Variants in IPO5 observed in about 807,000 individuals in gnomAD.
The protein encoded by IPO5 is importin 5.
IPO5 carries 18 observed loss-of-function variants against 143.3 expected under a neutral mutation model. The ratio of observed to expected loss-of-function variants is 0.13; its 90% CI spans 0.09 to 0.19. The LOEUF is 0.19. IPO5 is among the 10% of genes least tolerant of loss of function. The probability of loss-of-function intolerance (pLI) is 1.00; values close to 1 mark genes in which losing one functional copy is unlikely to be tolerated. For missense variants in IPO5, 1,013 were observed against 1,336.9 expected, an observed-to-expected ratio of 0.76 and a Z score of 3.78; for synonymous variants, 477 against 465.7, an observed-to-expected ratio of 1.02 and a Z score of -0.31.
At position 98,015,908 on chromosome 13, in the gene IPO5, G is replaced by C. The variant is rs1414188859; in HGVS notation, c.2493+127G>C. 3 of 613,328 alleles carry C rather than the reference G, an allele frequency of 4.9e-6. No individual in the cohort carries two copies. In the African/African-American group the frequency reaches 5.6e-5, roughly 11 times the overall value. The allele number at this position is 613,328 out of a possible 1,614,324, so 38.0% of individuals were successfully genotyped here. A position where few individuals can be genotyped will look rare whatever the true frequency, so the allele number is the denominator to read the frequency against. ...TTATCAGTCTTTAGCAGAGGAGTCA[G>C]ATATATTTCCTCTCTTAATTTATGA... On this transcript the variant is annotated intron_variant, in intron 24 of 28. Coordinates refer to ENST00000651721, the MANE Select transcript of IPO5 (RefSeq NM_002271.6).
At chr13:97,979,911 A>C in intron 4 of IPO5, 1 of 456,728 alleles carries the variant, frequency 2.2e-6, no homozygotes, top group Non-Finnish European at 4.4e-6. Flanking sequence ...GATAAAAGTC[A>C]TGTGTCCCCT....
chr13:97,983,187 T>C (rs905067974), intron 5 of IPO5, among the ~76,000 whole-genome samples: 2 of 152,228 alleles, frequency 1.3e-5, no homozygotes, highest in Non-Finnish European at 2.9e-5. Flanking sequence ...AAGTGCTTTT[T>C]GCAGCTAAAA....
intron 11 of IPO5, among the ~76,000 whole-genome samples, chr13:97,997,287 T>C (rs940490620): frequency 7.2e-5 from 11 of 152,202 alleles, no homozygotes; most frequent in Non-Finnish European, 2.9e-5. Context: ...ATGGGGAGAA[T>C]GTAATCGGAT....
intron 3 of IPO5, 112 bp from the exon 4 acceptor site, chr13:97,976,581 C>G (rs1377324303): frequency 1.6e-4 from 35 of 218,870 alleles, no homozygotes; most frequent in Non-Finnish European, 2.4e-4. Flanking sequence ...CCGCAAGCCC[C>G]GCGCCGCCGC....
intron 2 of IPO5, among the ~76,000 whole-genome samples, chr13:97,965,689 T>C (rs1885268583): frequency 6.6e-6 from 1 of 152,120 alleles, no homozygotes. Flanking sequence ...GGAATTACAA[T>C]TGATTTTTAT....
intron 4 of IPO5, chr13:97,980,001 C>T (rs1594053031): frequency 4.4e-6 from 2 of 454,974 alleles, no homozygotes; most frequent in Admixed American, 4.7e-5. Context: ...ATTTCTTCTT[C>T]GTGGGCAGGG....
At chr13:97,995,345 C>G (rs1648076354) in intron 11 of IPO5, among the ~76,000 whole-genome samples, 1 of 151,926 alleles carries the variant, frequency 6.6e-6, no homozygotes, top group African/African-American at 2.4e-5. Flanking sequence ...CCTGAGTCCC[C>G]AAAGTCCGTT....
intron 4 of IPO5, chr13:97,979,782 T>A: frequency 2.4e-6 from 1 of 419,292 alleles, no homozygotes; most frequent in East Asian, 7.0e-5. Flanking sequence ...TCCTCCCATC[T>A]CCCAAAGTGT....
chr13:97,975,916 G>C (rs184942078), intron 3 of IPO5: 16 of 985,546 alleles, frequency 1.6e-5, no homozygotes, highest in Middle Eastern at 5.2e-4. Context: ...ACTGGAGAGC[G>C]CGACGGGAGG....
intron 3 of IPO5, among the ~76,000 whole-genome samples, chr13:97,974,956 C>G (rs1566467746): frequency 6.6e-6 from 1 of 152,186 alleles, no homozygotes; most frequent in Non-Finnish European, 1.5e-5. Flanking sequence ...GATCCCAGGG[C>G]TCAGCCCAGA....
intron 3 of IPO5, among the ~76,000 whole-genome samples, chr13:97,973,209 A>AT (rs1358726916): frequency 6.6e-4 from 97 of 148,062 alleles, no homozygotes; most frequent in Middle Eastern, 3.5e-3. Flanking sequence ...TACCCAGCTG[A>AT]TTTTTTTTTT....
chr13:98,014,387 C>T (rs922091030), intron 22 of IPO5, among the ~76,000 whole-genome samples, 173 bp downstream of exon 22: 2 of 152,138 alleles, frequency 1.3e-5, no homozygotes, highest in Non-Finnish European at 2.9e-5. Context: ...AAGCAATTCT[C>T]ATGCCTCATC....
At chr13:97,984,286 C>T (rs1164448560) in intron 5 of IPO5, among the ~76,000 whole-genome samples, 2 of 152,122 alleles carry the variant, frequency 1.3e-5, no homozygotes, top group Non-Finnish European at 2.9e-5. Context: ...CCTAGGGTAA[C>T]TTCTATCACT....
Position 98,013,907 on chromosome 13 carries a change from A to G in IPO5, c.2153-135A>G. On this transcript the variant is annotated intron_variant, in intron 21 of 28. Coordinates refer to ENST00000651721, the MANE Select transcript of IPO5 (RefSeq NM_002271.6). ...AGGTATGTCTTTTCTATTTTTATAC[A>G]TGCTTTATATTTAACACAAGCTCTT... 3 of 661,386 alleles carry G rather than the reference A, an allele frequency of 4.5e-6. No individual in the cohort carries two copies. The South Asian group carries it at 7.5e-5, about 16-fold the overall frequency. The allele number at this position is 661,386 out of a possible 1,614,324, so 41.0% of individuals were successfully genotyped here. A position where few individuals can be genotyped will look rare whatever the true frequency, so the allele number is the denominator to read the frequency against.
At chr13:98,011,902 T>G (rs903365672) in intron 20 of IPO5, among the ~76,000 whole-genome samples, 2 of 152,246 alleles carry the variant, frequency 1.3e-5, no homozygotes, top group African/African-American at 2.4e-5. Flanking sequence ...TTTGTATCTT[T>G]TAGAATGATT....
chr13:97,998,166 G>A (rs920012149), intron 12 of IPO5, among the ~76,000 whole-genome samples: 3 of 152,232 alleles, frequency 2.0e-5, no homozygotes, highest in South Asian at 2.1e-4. Context: ...TAGTAGAGAC[G>A]GGATTTCACC....
chr13:97,997,295 G>C (rs1404304727), intron 11 of IPO5, among the ~76,000 whole-genome samples: 2 of 152,190 alleles, frequency 1.3e-5, no homozygotes, highest in Non-Finnish European at 2.9e-5. Context: ...AATGTAATCG[G>C]ATTTGGGAAT....
intron 24 of IPO5, 29 bp downstream of exon 24, chr13:98,015,810 C>A: frequency 6.8e-7 from 1 of 1,468,554 alleles, no homozygotes. Context: ...AACTTACTTA[C>A]GTGACCACTT....
chr13:98,016,493 A>C (rs565863283), intron 24 of IPO5, among the ~76,000 whole-genome samples: 6 of 152,316 alleles, frequency 3.9e-5, no homozygotes, highest in African/African-American at 1.4e-4. Flanking sequence ...CTTTGCAATA[A>C]ATACAGTTCT....
Sources: allele counts gnomAD v4.1 joint callset (sites outside exome capture counted in the v4.1 genomes callset), GRCh38; gene constraint gnomAD v4.1.1; transcripts MANE v1.5; gene names NCBI Gene and HGNC (gene_info 2026-07-23, HGNC 2026-07-21).